RNF115: variants seen among roughly 807,000 people sequenced by gnomAD.
RNF115 encodes ring finger protein 115.
Under a neutral mutation model 39.2 loss-of-function variants are expected in RNF115, and 31 were observed. The observed-to-expected ratio is 0.79, with a 90% CI of 0.59 to 1.07. The LOEUF (loss-of-function observed/expected upper bound fraction) is 1.07. Ranked by LOEUF, RNF115 falls within the 50% of genes least tolerant of loss-of-function variation. RNF115 has a pLI of 0.00. For synonymous variants in RNF115, 124 were observed against 131.0 expected, an observed-to-expected ratio of 0.95 and a Z score of 0.37; for missense variants, 384 against 381.7, an observed-to-expected ratio of 1.01 and a Z score of -0.05.
chr1:145,806,562 G>A (rs1649472749), intron 1 of RNF115, among the ~76,000 whole-genome samples: 1 of 152,118 alleles, frequency 6.6e-6, no homozygotes, highest in African/African-American at 2.4e-5. Flanking sequence ...GTAGGGCCTA[G>A]TGGGAGGTAT....
In RNF115 at chr1:145,751,528, T is replaced by C. The variant is rs1666834306; in HGVS notation, c.501-18A>G. 1.3e-6 allele frequency: 2 copies of C among 1,559,098 alleles called. No homozygotes were observed. The highest frequency in any genetic ancestry group is 1.4e-5 in the African/African-American group (1 of 74,050). On this transcript the variant is annotated intron_variant, in intron 5 of 8. Coordinates refer to ENST00000582693, the MANE Select transcript of RNF115 (RefSeq NM_014455.4). ...TCCCGCTCCTATACGTGAGATGAGATAGACAGCATTAGATGGAGTGACCAG... is the reference window on the plus strand; with the variant it reads ...TCCCGCTCCTATACGTGAGATGAGACAGACAGCATTAGATGGAGTGACCAG...
intron 1 of RNF115, among the ~76,000 whole-genome samples, chr1:145,800,427 C>A (rs1424770692): frequency 6.6e-6 from 1 of 152,176 alleles, no homozygotes; most frequent in Non-Finnish European, 1.5e-5. Context: ...GACCTTCCCA[C>A]TCCCTTTAAA....
intron 1 of RNF115, among the ~76,000 whole-genome samples, chr1:145,792,642 T>C (rs961940055): frequency 1.1e-4 from 16 of 152,066 alleles, no homozygotes; most frequent in African/African-American, 3.4e-4. Context: ...CTGGGGGAAC[T>C]AGGGAAAGCT....
rs74589454 is a variant in RNF115 at position 145,752,202 on chromosome 1, A to G, written c.501-692T>C. Among the ~76,000 whole-genome samples the G allele has an allele frequency of 7.5e-4, 114 of 152,296 alleles. 3 individuals are homozygous for G. The East Asian group carries it at 0.019, about 26-fold the overall frequency. The stretch of plus-strand genomic sequence containing the variant: ...AATTCCATCTTTAATCCCATCATAC[A>G]TAAGTGTCACTCTGATACTGAATTA... On this transcript the variant is annotated intron_variant, in intron 5 of 8. Transcript: ENST00000582693.
chr1:145,764,908 C>G (rs974181745), intron 4 of RNF115, among the ~76,000 whole-genome samples: 1 of 152,232 alleles, frequency 6.6e-6, no homozygotes. Flanking sequence ...GCCACCACCC[C>G]GTCTAGGAGG....
chr1:145,754,793 T>A (rs1271073108), intron 4 of RNF115, among the ~76,000 whole-genome samples: 1 of 152,194 alleles, frequency 6.6e-6, no homozygotes, highest in Non-Finnish European at 1.5e-5. Context: ...ATGAATTCAT[T>A]GTGTTTTCTT....
intron 4 of RNF115, among the ~76,000 whole-genome samples, chr1:145,759,649 C>T (rs1371614318): frequency 6.6e-6 from 1 of 152,172 alleles, no homozygotes; most frequent in Admixed American, 6.5e-5. Context: ...TCGCACACCT[C>T]GCAGCCCCCC....
rs184432095 is a variant in RNF115, at chr1:145,781,548, G to A, written c.219+2991C>T. ...ACTTCACTATGAAGTCTTAATAATGGCTAAAATGTATCAAGCACTCACTAG... is the reference window on the plus strand; with the variant it reads ...ACTTCACTATGAAGTCTTAATAATGACTAAAATGTATCAAGCACTCACTAG... On this transcript the variant is annotated intron_variant, in intron 3 of 8. Transcript: ENST00000582693. 2.3e-3 allele frequency among the ~76,000 whole-genome samples: 353 copies of A among 152,124 alleles called. 2 individuals carry two copies. Among genetic ancestry groups the A allele is most frequent in the African/African-American group, 8.1e-3 (338 of 41,476 alleles).
Position 145,746,982 on chromosome 1 carries a change from C to G in RNF115, c.799G>C (p.Val267Leu), listed in dbSNP as rs1657900921. Reference sequence around the variant, plus strand: ...TCACCATTTAAGCTCTTCCTACATACAGGACATGTGTCATGCTGAAACAGA... The same window carrying G: ...TCACCATTTAAGCTCTTCCTACATAGAGGACATGTGTCATGCTGAAACAGA... ...PWLELHDTCP[V>L]CRKSLNGEDS... The change falls in exon 9 of 9, where the codon GTA becomes CTA. Residue 267 changes from valine (V) to leucine (L), a missense_variant. By Grantham distance (32) the Val-to-Leu change is conservative. Coordinates refer to ENST00000582693, the MANE Select transcript of RNF115 (RefSeq NM_014455.4). 6.2e-7 allele frequency: 1 copy of G among 1,613,688 alleles called. No homozygotes were observed. Among genetic ancestry groups the G allele is most frequent in the East Asian group, 2.2e-5 (1 of 44,876 alleles).
chr1:145,757,869 T>TGAGGAACTATACCC (rs1658358971), intron 4 of RNF115, among the ~76,000 whole-genome samples: 1 of 152,166 alleles, frequency 6.6e-6, no homozygotes, highest in Non-Finnish European at 1.5e-5. Flanking sequence ...GAACTATACC[T>TGAGGAACTATACCC]GAGGAACTAT....
At chr1:145,755,430 C>G (rs782059429) in intron 4 of RNF115, among the ~76,000 whole-genome samples, 4 of 152,116 alleles carry the variant, frequency 2.6e-5, no homozygotes, top group Non-Finnish European at 5.9e-5. Flanking sequence ...TATACTGCAG[C>G]AATGGCCAAC....
In RNF115 at chr1:145,764,698, G is replaced by A. The variant is rs1388362716; in HGVS notation, c.428+7013C>T. Reference sequence around the variant, plus strand: ...TCTCTGCCCAGCAGCCACTCGGTCCGGGAGGGAGGTGGGGGGTCAGCCCCC... The same window carrying A: ...TCTCTGCCCAGCAGCCACTCGGTCCAGGAGGGAGGTGGGGGGTCAGCCCCC... On this transcript the variant is annotated intron_variant, in intron 4 of 8. Transcript: ENST00000582693. 5.3e-5 allele frequency among the ~76,000 whole-genome samples: 8 copies of A among 151,818 alleles called. 1 individual carries two copies. The East Asian group carries it at 1.2e-3, about 22-fold the overall frequency.
At chr1:145,806,266 T>C (rs1445891640) in intron 1 of RNF115, among the ~76,000 whole-genome samples, 1 of 152,130 alleles carries the variant, frequency 6.6e-6, no homozygotes, top group Non-Finnish European at 1.5e-5. Context: ...GAGAATCGCT[T>C]GAACCCGGGA....
At chr1:145,786,723 A>C (rs931373854) in intron 2 of RNF115, among the ~76,000 whole-genome samples, 3 of 152,242 alleles carry the variant, frequency 2.0e-5, no homozygotes, top group Non-Finnish European at 4.4e-5. Context: ...CAACCAATAT[A>C]TCTTTTAATT....
intron 1 of RNF115, among the ~76,000 whole-genome samples, chr1:145,817,927 G>A (rs28534658): frequency 0.33 from 33,579 of 101,568 alleles, 5,640 homozygotes; most frequent in East Asian, 0.59. Context: ...ACATGATTTC[G>A]GTTTTGTTTT....
intron 4 of RNF115, among the ~76,000 whole-genome samples, chr1:145,754,672 T>C (rs1214434811): frequency 1.3e-5 from 2 of 152,190 alleles, no homozygotes; most frequent in Non-Finnish European, 2.9e-5. Flanking sequence ...ACCCACGTTG[T>C]ACAACAGATC....
At chr1:145,766,475 T>C (rs587769271) in intron 4 of RNF115, among the ~76,000 whole-genome samples, 68 of 152,138 alleles carry the variant, frequency 4.5e-4, no homozygotes, top group African/African-American at 1.5e-3. Context: ...AAAACCGCCA[T>C]TGTCATCATG....
intron 4 of RNF115, among the ~76,000 whole-genome samples, chr1:145,768,561 C>T (rs1647489444): frequency 6.6e-6 from 1 of 152,156 alleles, no homozygotes; most frequent in Non-Finnish European, 1.5e-5. Context: ...AGTGATCCAC[C>T]TGCCTCGGCC....
At chr1:145,772,816 T>TGC (rs1190471685) in intron 3 of RNF115, 1 of 152,202 alleles carries the variant, frequency 6.6e-6, no homozygotes, top group Non-Finnish European at 1.5e-5. Flanking sequence ...ACATGTTTTC[T>TGC]GCACCTTTCT....
Sources: allele counts gnomAD v4.1 joint callset (sites outside exome capture counted in the v4.1 genomes callset), GRCh38; gene constraint gnomAD v4.1.1; transcripts MANE v1.5; gene names NCBI Gene and HGNC (gene_info 2026-07-23, HGNC 2026-07-21).